Variants in CTNNA3 observed in about 807,000 individuals in gnomAD.
CTNNA3 encodes catenin alpha-3.
Under a neutral mutation model 95.7 loss-of-function variants are expected in CTNNA3, and 76 were observed. The observed-to-expected ratio is 0.79, with a 90% CI of 0.66 to 0.96. The LOEUF (loss-of-function observed/expected upper bound fraction) is 0.96, where lower values mean the gene tolerates loss of function less well. CTNNA3 is among the 40% of genes least tolerant of loss of function. The pLI is 0.00. For missense variants in CTNNA3, 1,191 were observed against 1,089.8 expected (o/e 1.09, Z -1.31); for synonymous variants, 431 against 374.4 (o/e 1.15, Z -1.74).
intron 7 of CTNNA3, among the ~76,000 whole-genome samples, chr10:67,116,087 C>T (rs79707820): frequency 0.056 from 8,451 of 151,808 alleles, 346 homozygotes; most frequent in South Asian, 0.18. Context: ...GTCAACTATT[C>T]CCCAGGCATA....
intron 7 of CTNNA3, among the ~76,000 whole-genome samples, chr10:66,955,275 G>C (rs555976120): frequency 2.7e-5 from 4 of 150,804 alleles, no homozygotes; most frequent in Admixed American, 2.6e-4. Flanking sequence ...GGAAGAAAAA[G>C]ATAACGATTA....
rs1451691077 is a variant in CTNNA3, at chr10:66,310,625, A to G, written c.1733-30004T>C. Among the ~76,000 whole-genome samples the G allele has an allele frequency of 2.0e-5, 3 of 150,144 alleles. No homozygotes were observed. In the East Asian group the frequency reaches 5.9e-4, roughly 29 times the overall value. ...AAGAGGGTAACATAAAAAAGCAAATATTTATTTCCCATTATTCTAGGCCAT... is the reference window on the plus strand; with the variant it reads ...AAGAGGGTAACATAAAAAAGCAAATGTTTATTTCCCATTATTCTAGGCCAT... On this transcript the variant is annotated intron_variant, in intron 12 of 17. Transcript: ENST00000433211.
chr10:67,012,079 C>T (rs1001828592), intron 7 of CTNNA3, among the ~76,000 whole-genome samples: 2 of 152,142 alleles, frequency 1.3e-5, no homozygotes, highest in African/African-American at 2.4e-5. Context: ...TCACAAGCTC[C>T]GTAGATACAA....
At chr10:66,708,118 C>G (rs1177374167) in intron 9 of CTNNA3, among the ~76,000 whole-genome samples, 1 of 151,846 alleles carries the variant, frequency 6.6e-6, no homozygotes, top group African/African-American at 2.4e-5. Context: ...ATTCTTGCCA[C>G]TAACTATAAA....
intron 5 of CTNNA3, among the ~76,000 whole-genome samples, chr10:67,433,300 G>C (rs766381855): frequency 1.3e-4 from 19 of 151,996 alleles, no homozygotes; most frequent in Non-Finnish European, 2.1e-4. Flanking sequence ...CATTTGTTAA[G>C]TTCACCATCT....
chr10:66,273,174 A>G lies in CTNNA3; in HGVS notation c.1884+7296T>C, dbSNP rs186018853. Reference sequence around the variant, plus strand: ...AAGCACTTTACAGCTTCTTTGGCATATCAGGATTGCCTGCATCACTACGTG... The same window carrying G: ...AAGCACTTTACAGCTTCTTTGGCATGTCAGGATTGCCTGCATCACTACGTG... On this transcript the variant is annotated intron_variant, in intron 13 of 17. Coordinates refer to ENST00000433211, the MANE Select transcript of CTNNA3 (RefSeq NM_013266.4). Among the ~76,000 whole-genome samples, 281 of 152,266 alleles carry G rather than the reference A, an allele frequency of 1.8e-3. 2 individuals carry two copies. Among genetic ancestry groups the G allele is most frequent in the African/African-American group, 6.6e-3 (275 of 41,554 alleles).
At chr10:66,570,523 G>A (rs1036922068) in intron 10 of CTNNA3, among the ~76,000 whole-genome samples, 1 of 151,826 alleles carries the variant, frequency 6.6e-6, no homozygotes, top group Non-Finnish European at 1.5e-5. Context: ...TCTTGACCTC[G>A]TGATCCACCC....
chr10:66,089,934 C>A (rs1162989069), intron 14 of CTNNA3, among the ~76,000 whole-genome samples: 2 of 151,852 alleles, frequency 1.3e-5, no homozygotes, highest in Non-Finnish European at 2.9e-5. Flanking sequence ...AAAATGAAAT[C>A]CTTTTTCCTT....
At chr10:66,363,335 A>G (rs1191814526) in intron 12 of CTNNA3, among the ~76,000 whole-genome samples, 1 of 152,162 alleles carries the variant, frequency 6.6e-6, no homozygotes, top group Non-Finnish European at 1.5e-5. Flanking sequence ...TTGAGAGGTA[A>G]TTAGGTCATA....
chr10:66,351,347 A>G (rs778731159), intron 12 of CTNNA3, among the ~76,000 whole-genome samples: 56 of 152,048 alleles, frequency 3.7e-4, no homozygotes, highest in Non-Finnish European at 7.5e-4. Flanking sequence ...AGATAAGAAG[A>G]CTTGGGCTGA....
intron 11 of CTNNA3, among the ~76,000 whole-genome samples, chr10:66,415,734 G>T (rs1359406883): frequency 1.3e-5 from 2 of 152,192 alleles, no homozygotes; most frequent in East Asian, 3.9e-4. Context: ...AGATATCACT[G>T]GCACTGTTTG....
At chr10:66,382,349 G>A (rs543244680) in intron 11 of CTNNA3, among the ~76,000 whole-genome samples, 25 of 152,262 alleles carry the variant, frequency 1.6e-4, no homozygotes, top group African/African-American at 4.3e-4. Flanking sequence ...GTCTGAGATC[G>A]ATCTGCGAGG....
intron 17 of CTNNA3, among the ~76,000 whole-genome samples, chr10:65,948,105 G>A (rs1195971839): frequency 3.9e-5 from 6 of 151,996 alleles, no homozygotes; most frequent in African/African-American, 7.2e-5. Context: ...GTGAAACCCC[G>A]TCTCTACTAA....
chr10:66,651,959 A>C (rs911798518), intron 9 of CTNNA3, among the ~76,000 whole-genome samples: 1 of 151,254 alleles, frequency 6.6e-6, no homozygotes, highest in Admixed American at 6.6e-5. Context: ...AGGCACCGAG[A>C]GCGAGCAAGG....
chr10:67,583,155 C>T (rs184410395), intron 3 of CTNNA3, among the ~76,000 whole-genome samples: 7 of 152,164 alleles, frequency 4.6e-5, no homozygotes, highest in South Asian at 2.1e-4. Context: ...TTCCTAGCAT[C>T]GATGGTCTTT....
intron 8 of CTNNA3, among the ~76,000 whole-genome samples, chr10:66,774,398 T>G (rs758560587): frequency 6.6e-6 from 1 of 152,194 alleles, no homozygotes; most frequent in Non-Finnish European, 1.5e-5. Flanking sequence ...CTTTCTCATT[T>G]GCATCGTAAG....
intron 13 of CTNNA3, among the ~76,000 whole-genome samples, chr10:66,216,850 A>C (rs965211): frequency 0.81 from 123,584 of 151,934 alleles, 50,526 homozygotes; most frequent in South Asian, 0.94. Context: ...TGGTGCAATA[A>C]ATGTGTATAG....
At chr10:67,169,839 T>C (rs1281492962) in intron 7 of CTNNA3, among the ~76,000 whole-genome samples, 1 of 152,078 alleles carries the variant, frequency 6.6e-6, no homozygotes, top group Non-Finnish European at 1.5e-5. Flanking sequence ...AACCTACAGA[T>C]GGGAGAAAAT....
intron 1 of CTNNA3, among the ~76,000 whole-genome samples, chr10:67,760,200 A>G (rs1171796171): frequency 1.3e-5 from 2 of 152,048 alleles, no homozygotes; most frequent in Admixed American, 1.3e-4. Flanking sequence ...AGTTGGGAGG[A>G]TAGATATTGG....
Sources: gnomAD v4.1 joint callset for allele counts (sites outside exome capture counted in the v4.1 genomes callset) on GRCh38, gnomAD v4.1.1 for gene constraint, MANE v1.5 for transcripts, NCBI Gene and HGNC (gene_info 2026-07-23, HGNC 2026-07-21) for gene names.